Variants in PCDHA2 observed in about 807,000 individuals in gnomAD.
PCDHA2 encodes protocadherin alpha 2.
In PCDHA2, 58 loss-of-function variants were observed where a neutral mutation model predicts 66.0. The ratio of observed to expected loss-of-function variants is 0.88; its 90% CI spans 0.71 to 1.09. The LOEUF (loss-of-function observed/expected upper bound fraction) is 1.09. PCDHA2 is among the 50% of genes least tolerant of loss of function. PCDHA2 has a pLI of 0.00. For synonymous variants in PCDHA2, 634 were observed against 554.0 expected, an observed-to-expected ratio of 1.14 and a Z score of -2.03; for missense variants, 1,267 against 1,242.3, an observed-to-expected ratio of 1.02 and a Z score of -0.30.
At chr5:140,917,892 T>C (rs1382149175) in intron 1 of PCDHA2, among the ~76,000 whole-genome samples, 2 of 152,104 alleles carry the variant, frequency 1.3e-5, no homozygotes, top group African/African-American at 4.8e-5. Flanking sequence ...TTTTTCCATA[T>C]GAATGTTAGG....
At chr5:140,836,986 CTT>C (rs1370800263) in intron 1 of PCDHA2, 2 of 355,684 alleles carry the variant, frequency 5.6e-6, no homozygotes, top group Non-Finnish European at 9.9e-6. Context: ...TGGAGGAGGA[CTT>C]TGCTAACTGG....
In PCDHA2 at chr5:140,856,011, C is replaced by G. The variant is rs782812320; in HGVS notation, c.2388+58659C>G. On this transcript the variant is annotated intron_variant, in intron 1 of 3. Transcript: ENST00000526136. Reference sequence around the variant, plus strand: ...GTCAGATCGTATGTGCGTTCTAGACCGCTGATTCGTCGATTTGTAAAACAA... The same window carrying G: ...GTCAGATCGTATGTGCGTTCTAGACGGCTGATTCGTCGATTTGTAAAACAA... The G allele has an allele frequency of 1.4e-5, 22 of 1,546,178 alleles. 1 individual carries two copies. The highest frequency in any genetic ancestry group is 1.7e-4 in the Middle Eastern group (1 of 5,742).
At chr5:140,905,446 A>G (rs1421760693) in intron 1 of PCDHA2, among the ~76,000 whole-genome samples, 2 of 152,180 alleles carry the variant, frequency 1.3e-5, no homozygotes, top group East Asian at 3.9e-4. Flanking sequence ...GCCTTTTAGT[A>G]TAATTTAAAG....
chr5:140,867,553 A>G (rs782238802), intron 1 of PCDHA2: 1 of 152,158 alleles, frequency 6.6e-6, no homozygotes, highest in Non-Finnish European at 1.5e-5. Context: ...GCATACACAT[A>G]TGATAACTTT....
intron 1 of PCDHA2, chr5:140,823,663 A>T (rs2150128045): frequency 1.2e-6 from 2 of 1,614,010 alleles, no homozygotes; most frequent in Admixed American, 1.7e-5. Flanking sequence ...CACAGGCGAG[A>T]TCAGCACAAC....
intron 1 of PCDHA2, chr5:140,848,753 G>A (rs1405880656): frequency 2.5e-6 from 4 of 1,593,302 alleles, no homozygotes; most frequent in African/African-American, 1.3e-5. Context: ...TTTTGTTTGT[G>A]AATTCTCGGA....
intron 3 of PCDHA2, among the ~76,000 whole-genome samples, chr5:141,006,736 G>C (rs939000554): frequency 2.0e-5 from 3 of 152,122 alleles, no homozygotes; most frequent in African/African-American, 7.2e-5. Context: ...AGGTCTTGAT[G>C]ATGTATTATA....
chr5:140,869,221 A>G, intron 1 of PCDHA2: 1 of 1,613,848 alleles, frequency 6.2e-7, no homozygotes, highest in South Asian at 1.1e-5. Flanking sequence ...GGAGGAGGCC[A>G]AACACGGCAC....
In PCDHA2 at chr5:140,969,065, A is replaced by G. The variant is rs1554231418; in HGVS notation, c.2389-9884A>G. 4.3e-6 allele frequency: 7 copies of G among 1,614,188 alleles called. No individual in the cohort carries two copies. The East Asian group carries it at 1.6e-4, about 36-fold the overall frequency. On this transcript the variant is annotated intron_variant, in intron 1 of 3. Coordinates refer to ENST00000526136, the MANE Select transcript of PCDHA2 (RefSeq NM_018905.3). ...ACAAGCCAACAACAATATTGATGCC[A>G]GGATACCGCATGGCCTCAAAGTGCA...
At chr5:140,829,846 G>C in intron 1 of PCDHA2, 1 of 1,613,940 alleles carries the variant, frequency 6.2e-7, no homozygotes. Flanking sequence ...CGCGGTCACT[G>C]GGTGCAGGCC....
At chr5:140,987,997 T>C (rs2097277277) in intron 3 of PCDHA2, among the ~76,000 whole-genome samples, 1 of 152,212 alleles carries the variant, frequency 6.6e-6, no homozygotes, top group African/African-American at 2.4e-5. Flanking sequence ...TCTCTGATCC[T>C]TCCCCAGAAA....
In PCDHA2 at chr5:140,829,409, A is replaced by G. The variant is rs2150167358; in HGVS notation, c.2388+32057A>G. 6 of 1,614,026 alleles carry G rather than the reference A, an allele frequency of 3.7e-6. No individual in the cohort carries two copies. In the African/African-American group the frequency reaches 8.0e-5, roughly 22 times the overall value. On this transcript the variant is annotated intron_variant, in intron 1 of 3. Coordinates refer to ENST00000526136, the MANE Select transcript of PCDHA2 (RefSeq NM_018905.3). Reference sequence around the variant, plus strand: ...CTCGCCTTCGCTGTGGGCCACCGCCAGCTTGTCTGTGGAGGTGGCCGACAT... The same window carrying G: ...CTCGCCTTCGCTGTGGGCCACCGCCGGCTTGTCTGTGGAGGTGGCCGACAT...
intron 1 of PCDHA2, among the ~76,000 whole-genome samples, chr5:140,959,421 TTTG>T (rs1393541693): frequency 6.6e-6 from 1 of 152,102 alleles, no homozygotes; most frequent in East Asian, 1.9e-4. Flanking sequence ...GATCTGAGAA[TTTG>T]TGTATTTTTT....
chr5:140,856,471 A>T, intron 1 of PCDHA2: 3 of 1,597,970 alleles, frequency 1.9e-6, no homozygotes, highest in Non-Finnish European at 2.6e-6. Context: ...AGCTCTCAAT[A>T]CCTGAATCCA....
At chr5:140,862,948 G>T (rs782222335) in intron 1 of PCDHA2, 1 of 543,712 alleles carries the variant, frequency 1.8e-6, no homozygotes, top group South Asian at 1.4e-5. Context: ...GTGAGCTGGT[G>T]CGGTATTCAG....
At chr5:140,881,304 C>T (rs1011967816) in intron 1 of PCDHA2, 1 of 965,928 alleles carries the variant, frequency 1.0e-6, no homozygotes, top group South Asian at 4.8e-5. Flanking sequence ...AAACTTTAAC[C>T]TCCTGGTTAA....
At chr5:140,924,681 G>T (rs558083953) in intron 1 of PCDHA2, among the ~76,000 whole-genome samples, 1 of 152,180 alleles carries the variant, frequency 6.6e-6, no homozygotes, top group East Asian at 1.9e-4. Flanking sequence ...AATCACTTGA[G>T]GTCAGGAGTT....
Position 140,809,080 on chromosome 5 carries a change from C to A in PCDHA2, c.2388+11728C>A, listed in dbSNP as rs564951591. On this transcript the variant is annotated intron_variant, in intron 1 of 3. Coordinates refer to ENST00000526136, the MANE Select transcript of PCDHA2 (RefSeq NM_018905.3). ...GCGTGGGGCTGTACACTGGCGAGAT[C>A]AGCACAACGCGTGCCCTGGACGAAA... The A allele has an allele frequency of 1.8e-4, 290 of 1,613,954 alleles. No individual in the cohort carries two copies. In the East Asian group the frequency reaches 5.6e-3, roughly 31 times the overall value.
intron 1 of PCDHA2, chr5:140,869,782 C>T (rs782296742): frequency 1.6e-5 from 25 of 1,612,752 alleles, no homozygotes; most frequent in East Asian, 2.2e-5. Context: ...TGGCACCGTT[C>T]GGCTGTTAGT....
Sources: gnomAD v4.1 joint callset for allele counts (sites outside exome capture counted in the v4.1 genomes callset) on GRCh38, gnomAD v4.1.1 for gene constraint, MANE v1.5 for transcripts, NCBI Gene and HGNC (gene_info 2026-07-23, HGNC 2026-07-21) for gene names.